KHDRBS3: variants seen among roughly 807,000 people sequenced by gnomAD.
KHDRBS3 encodes KH domain-containing, RNA-binding, signal transduction-associated protein 3.
In KHDRBS3, 23 loss-of-function variants were observed where a neutral mutation model predicts 45.6. That is an observed-to-expected ratio of 0.50 (90% confidence interval 0.36 to 0.72). KHDRBS3 has a LOEUF of 0.72. Ranked by LOEUF, KHDRBS3 falls within the 30% of genes least tolerant of loss-of-function variation. The pLI, the probability that KHDRBS3 is intolerant of heterozygous loss-of-function variation, is 0.00. For synonymous variants in KHDRBS3, 162 were observed against 156.5 expected (o/e 1.04, Z -0.26); for missense variants, 352 against 424.8 (o/e 0.83, Z 1.51).
At chr8:135,460,033 G>A (rs1377893114) in intron 1 of KHDRBS3, among the ~76,000 whole-genome samples, 2 of 152,166 alleles carry the variant, frequency 1.3e-5, no homozygotes. Context: ...GCTGATATTC[G>A]GAATGCAGAG....
chr8:135,543,080 A>G (rs1186146635), intron 3 of KHDRBS3, among the ~76,000 whole-genome samples: 1 of 152,136 alleles, frequency 6.6e-6, no homozygotes, highest in African/African-American at 2.4e-5. Flanking sequence ...TAGTCTCATC[A>G]TTACTGTTTG....
chr8:135,552,841 G>A (rs995568514), intron 4 of KHDRBS3, among the ~76,000 whole-genome samples: 12 of 152,084 alleles, frequency 7.9e-5, no homozygotes, highest in Non-Finnish European at 1.8e-4. Context: ...AGGGGAGCTC[G>A]TGTTCAGACA....
chr8:135,584,170 C>T (rs1279752224), intron 6 of KHDRBS3, among the ~76,000 whole-genome samples: 1 of 152,212 alleles, frequency 6.6e-6, no homozygotes, highest in Non-Finnish European at 1.5e-5. Flanking sequence ...CTCTTCCAGG[C>T]ACTGACTGTT....
At chr8:135,484,643 TTGCTC>T (rs1373347606) in intron 1 of KHDRBS3, among the ~76,000 whole-genome samples, 2 of 152,258 alleles carry the variant, frequency 1.3e-5, no homozygotes, top group Non-Finnish European at 2.9e-5. Flanking sequence ...ACATGTATGT[TTGCTC>T]ATTACACATA....
chr8:135,620,290 G>A lies in KHDRBS3; in HGVS notation c.890+13253G>A, dbSNP rs1490415863. Among the ~76,000 whole-genome samples, 6 of 151,936 alleles carry A rather than the reference G, an allele frequency of 3.9e-5. No individual in the cohort carries two copies. In the East Asian group the frequency reaches 7.8e-4, roughly 20 times the overall value. On this transcript the variant is annotated intron_variant, in intron 7 of 8. Coordinates refer to ENST00000355849, the MANE Select transcript of KHDRBS3 (RefSeq NM_006558.3). Reference sequence around the variant, plus strand: ...TAATTTTCGTATTTTTTTTAGAGACGGAGTTTTGCCATGTTGCCCAAGCTG... The same window carrying A: ...TAATTTTCGTATTTTTTTTAGAGACAGAGTTTTGCCATGTTGCCCAAGCTG...
In KHDRBS3 at chr8:135,582,073, T is replaced by C. The variant is rs771087286; in HGVS notation, c.807T>C (p.Tyr269=). The C allele has an allele frequency of 6.5e-7, 1 of 1,541,316 alleles. No individual in the cohort carries two copies. The highest frequency in any genetic ancestry group is 1.2e-5 in the South Asian group (1 of 80,034). ...PPPTQETYGE[Y]DYDDGYGTAY... is the part of the protein sequence containing the mutation. ...CGACACAAGAGACTTATGGAGAATA[T>C]GTAAGTGAAGGTGTCAGACAACAGC... The change falls in exon 6 of 9, where the codon TAT becomes TAC. Residue 269 remains tyrosine (Y), a splice_region_variant and synonymous_variant. Transcript: ENST00000355849.
chr8:135,613,099 G>A (rs1829773005), intron 7 of KHDRBS3, among the ~76,000 whole-genome samples: 1 of 151,750 alleles, frequency 6.6e-6, no homozygotes, highest in Admixed American at 6.6e-5. Context: ...GAACTGGAAA[G>A]CGGCCCCTCA....
At chr8:135,483,832 A>G (rs1822710248) in intron 1 of KHDRBS3, among the ~76,000 whole-genome samples, 1 of 152,042 alleles carries the variant, frequency 6.6e-6, no homozygotes, top group Admixed American at 6.5e-5. Flanking sequence ...GGCTGTTGGG[A>G]CTGTCTGTTT....
chr8:135,557,899 A>G (rs1190874643), intron 5 of KHDRBS3, among the ~76,000 whole-genome samples: 1 of 152,194 alleles, frequency 6.6e-6, no homozygotes, highest in African/African-American at 2.4e-5. Context: ...AAGGGGATTT[A>G]CTTTGGAGTG....
At chr8:135,531,726 A>G (rs1449019712) in intron 2 of KHDRBS3, among the ~76,000 whole-genome samples, 1 of 152,202 alleles carries the variant, frequency 6.6e-6, no homozygotes, top group African/African-American at 2.4e-5. Context: ...GTCTTTAAGA[A>G]TAAATTCAGG....
intron 1 of KHDRBS3, among the ~76,000 whole-genome samples, chr8:135,502,957 C>T (rs1046856230): frequency 3.9e-5 from 6 of 152,180 alleles, no homozygotes; most frequent in Admixed American, 1.3e-4. Flanking sequence ...TTCACATCTT[C>T]GGTCACACTA....
chr8:135,469,535 T>TTTTTTA (rs1821897298), intron 1 of KHDRBS3, among the ~76,000 whole-genome samples: 12 of 89,220 alleles, frequency 1.3e-4, no homozygotes, highest in Middle Eastern at 5.4e-3. Flanking sequence ...TTTTTTTTTT[T>TTTTTTA]TTTTTTTTTT....
chr8:135,534,041 T>C (rs908709593), intron 2 of KHDRBS3, among the ~76,000 whole-genome samples: 4 of 152,208 alleles, frequency 2.6e-5, no homozygotes, highest in African/African-American at 9.7e-5. Context: ...CAAAAAATCC[T>C]AAGTTGAACC....
chr8:135,624,698 C>A (rs1189960145), intron 7 of KHDRBS3, among the ~76,000 whole-genome samples: 3 of 152,186 alleles, frequency 2.0e-5, no homozygotes, highest in African/African-American at 7.2e-5. Context: ...CTGGCCCTTC[C>A]TTCCCCAACA....
At chr8:135,523,431 T>C (rs889570187) in intron 2 of KHDRBS3, among the ~76,000 whole-genome samples, 2 of 152,288 alleles carry the variant, frequency 1.3e-5, no homozygotes, top group African/African-American at 4.8e-5. Context: ...TTTTTTCTAA[T>C]ATAAAATTTT....
At chr8:135,551,209 G>C (rs1207677612) in intron 4 of KHDRBS3, among the ~76,000 whole-genome samples, 8 of 151,908 alleles carry the variant, frequency 5.3e-5, no homozygotes, top group African/African-American at 1.9e-4. Context: ...AACTTAACTA[G>C]TTCTTTTCCA....
At chr8:135,497,362 T>TA (rs1823508400) in intron 1 of KHDRBS3, among the ~76,000 whole-genome samples, 1 of 152,224 alleles carries the variant, frequency 6.6e-6, no homozygotes, top group South Asian at 2.1e-4. Context: ...GATTGTGTCT[T>TA]ATGACCTCAG....
At chr8:135,544,589 G>C (rs1378025871) in intron 3 of KHDRBS3, among the ~76,000 whole-genome samples, 1 of 152,114 alleles carries the variant, frequency 6.6e-6, no homozygotes, top group Non-Finnish European at 1.5e-5. Flanking sequence ...TGGCCATTTT[G>C]CTGATGAGCA....
intron 7 of KHDRBS3, among the ~76,000 whole-genome samples, chr8:135,616,083 A>G (rs1228318419): frequency 6.6e-6 from 1 of 152,224 alleles, no homozygotes; most frequent in Non-Finnish European, 1.5e-5. Context: ...GGAATGAAAT[A>G]TCTATTGCGT....
Sources: gnomAD v4.1 joint callset for allele counts (sites outside exome capture counted in the v4.1 genomes callset) on GRCh38, gnomAD v4.1.1 for gene constraint, MANE v1.5 for transcripts, NCBI Gene and HGNC (gene_info 2026-07-23, HGNC 2026-07-21) for gene names.